The following GLP2R variants were observed in gnomAD, a reference collection of about 807,000 sequenced individuals.
The protein encoded by GLP2R is glucagon like peptide 2 receptor.
In GLP2R, 59 loss-of-function variants were observed where a neutral mutation model predicts 68.2. The observed-to-expected ratio is 0.87, with a 90% CI of 0.70 to 1.07. The LOEUF (loss-of-function observed/expected upper bound fraction) is 1.07, where lower values mean the gene tolerates loss of function less well. Ranked by LOEUF, GLP2R falls within the 50% of genes least tolerant of loss-of-function variation. GLP2R has a pLI of 0.00. For synonymous variants in GLP2R, 270 were observed against 265.4 expected (o/e 1.02, Z -0.17); for missense variants, 548 against 677.4 (o/e 0.81, Z 2.12).
intron 9 of GLP2R, among the ~76,000 whole-genome samples, chr17:9,862,925 A>T (rs2066999995): frequency 6.6e-6 from 1 of 152,134 alleles, no homozygotes; most frequent in African/African-American, 2.4e-5. Context: ...GAAAAAGGCT[A>T]GTTTTTATAG....
At chr17:9,865,462 A>C (rs992367008) in intron 9 of GLP2R, among the ~76,000 whole-genome samples, 2 of 152,030 alleles carry the variant, frequency 1.3e-5, no homozygotes, top group African/African-American at 4.8e-5. Flanking sequence ...GTTCTACTTG[A>C]CTGTTTAATG....
Position 9,855,526 on chromosome 17 carries a change from C to A in GLP2R, c.611+925C>A, listed in dbSNP as rs138853784. ...TTACAGAAGAGATTAAGAATCTTCC[C>A]CAAGGTAAACAAATGGATGGAAGAG... On this transcript the variant is annotated intron_variant, in intron 5 of 12. Transcript: ENST00000262441. Among the ~76,000 whole-genome samples, 859 of 152,252 alleles carry A rather than the reference C, an allele frequency of 5.6e-3. 7 individuals are homozygous for A. Among genetic ancestry groups the A allele is most frequent in the African/African-American group, 0.019 (803 of 41,536 alleles).
chr17:9,831,401 T>C (rs890472222), intron 1 of GLP2R, among the ~76,000 whole-genome samples: 4 of 152,028 alleles, frequency 2.6e-5, no homozygotes, highest in East Asian at 3.8e-4. Flanking sequence ...AAGGAGCTTA[T>C]GGGATAGGGA....
chr17:9,869,169 C>T lies in GLP2R; in HGVS notation c.1057-1578C>T, dbSNP rs796933810. Among the ~76,000 whole-genome samples the T allele has an allele frequency of 2.2e-4, 34 of 152,332 alleles. 1 individual carries two copies. The highest frequency in any genetic ancestry group is 8.2e-4 in the African/African-American group (34 of 41,576). ...ACTGCTGCTGATTTCTTTTCTCCAT[C>T]ACCGTCCCCCAGGAACTCTGAAACT... On this transcript the variant is annotated intron_variant, in intron 9 of 12. Coordinates refer to ENST00000262441, the MANE Select transcript of GLP2R (RefSeq NM_004246.3).
intron 4 of GLP2R, among the ~76,000 whole-genome samples, chr17:9,849,988 G>A (rs1011759066): frequency 3.9e-5 from 6 of 152,154 alleles, no homozygotes; most frequent in Admixed American, 6.5e-5. Flanking sequence ...ATTTGTGGCA[G>A]TATATCTTTT....
At chr17:9,833,738 G>C in intron 1 of GLP2R, 69 bp from the exon 2 acceptor site, 1 of 891,148 alleles carries the variant, frequency 1.1e-6, no homozygotes, top group Non-Finnish European at 1.8e-6. Flanking sequence ...GGAGAATCAT[G>C]GTGTGAAGTG....
chr17:9,862,735 C>T (rs1013210399), intron 9 of GLP2R, among the ~76,000 whole-genome samples: 8 of 152,166 alleles, frequency 5.3e-5, no homozygotes, highest in Admixed American at 2.6e-4. Context: ...GAAGGGTTAG[C>T]AAGATCCCAG....
chr17:9,826,728 T>C (rs1185721092), intron 1 of GLP2R, among the ~76,000 whole-genome samples: 1 of 152,190 alleles, frequency 6.6e-6, no homozygotes, highest in Non-Finnish European at 1.5e-5. Flanking sequence ...ACGCTAATTG[T>C]TTTTTTAAAA....
intron 1 of GLP2R, among the ~76,000 whole-genome samples, chr17:9,832,833 C>T (rs1294276967): frequency 6.6e-6 from 1 of 152,150 alleles, no homozygotes; most frequent in African/African-American, 2.4e-5. Context: ...AAGCCCAAAA[C>T]GTGCTATATT....
chr17:9,856,516 A>G (rs571461915), intron 5 of GLP2R, among the ~76,000 whole-genome samples: 152 of 152,334 alleles, frequency 1.0e-3, no homozygotes, highest in African/African-American at 3.4e-3. Flanking sequence ...AGGATGCACA[A>G]TGTCACATCA....
chr17:9,858,400 T>C (rs1363439722), intron 6 of GLP2R, among the ~76,000 whole-genome samples: 1 of 152,256 alleles, frequency 6.6e-6, no homozygotes, highest in Non-Finnish European at 1.5e-5. Flanking sequence ...TCGCTAATAC[T>C]GTGTTTTGTT....
chr17:9,866,018 C>T, intron 9 of GLP2R: 1 of 428,204 alleles, frequency 2.3e-6, no homozygotes, highest in Non-Finnish European at 4.8e-6. Flanking sequence ...AAACCTGCTG[C>T]CCTCCCAATC....
At position 9,833,691 on chromosome 17, in the gene GLP2R, T is replaced by C. The variant is rs114228629; in HGVS notation, c.190-116T>C. 4,020 of 649,934 alleles carry C rather than the reference T, an allele frequency of 6.2e-3. 105 individuals carry two copies. In the African/African-American group the frequency reaches 0.063, roughly 10 times the overall value. The allele number at this position is 649,934 out of a possible 1,614,324, so 40.3% of individuals were successfully genotyped here. A position where few individuals can be genotyped will look rare whatever the true frequency, so the allele number is the denominator to read the frequency against. The stretch of plus-strand genomic sequence containing the variant: ...AGATGCTGAAGAAATGCCATTTCTT[T>C]GCTGTGGGCCATTGTGGGCACTTCA... On this transcript the variant is annotated intron_variant, in intron 1 of 12. Transcript: ENST00000262441.
In GLP2R at chr17:9,889,395, G is replaced by T. The variant is rs1254742134; in HGVS notation, c.1352G>T (p.Trp451Leu). 1 of 1,613,460 alleles carries T rather than the reference G, an allele frequency of 6.2e-7. No homozygotes were observed. Among genetic ancestry groups the T allele is most frequent in the African/African-American group, 1.3e-5 (1 of 74,924 alleles). The change falls in exon 13 of 13, where the codon TGG becomes TTG. Residue 451 changes from tryptophan to leucine, a missense_variant. By Grantham distance (61) the Trp-to-Leu change is moderately conservative (BLOSUM62 -2). Coordinates refer to ENST00000262441, the MANE Select transcript of GLP2R (RefSeq NM_004246.3). ...GEVKAELRKYWVRFLLARHSG... is the reference protein window; with the variant it reads ...GEVKAELRKYLVRFLLARHSG... ...GTGAAGGCTGAGCTGCGGAAATACT[G>T]GGTCCGCTTCTTGCTAGCCCGCCAC...
chr17:9,865,987 T>G, intron 9 of GLP2R: 1 of 460,898 alleles, frequency 2.2e-6, no homozygotes, highest in Non-Finnish European at 4.5e-6. Context: ...GAAGATAATC[T>G]GTCCTGAACA....
At position 9,826,078 on chromosome 17, in the gene GLP2R, G is replaced by C. The variant is rs114279520; in HGVS notation, c.15G>C (p.Ser5=). 2.5e-6 allele frequency: 4 copies of C among 1,611,702 alleles called. No individual in the cohort carries two copies. The highest frequency in any genetic ancestry group is 3.4e-6 in the Non-Finnish European group (4 of 1,179,364). Residue 5 remains serine, a synonymous_variant, in exon 1 of 13, where the codon TCG becomes TCC. Transcript: ENST00000262441. ...GCACGAGGAAGATGAAGCTGGGATC[G>C]AGCAGGGCAGGGCCTGGGAGAGGAA... MKLG[S]SRAGPGRGSA...
At chr17:9,834,957 T>C (rs964650744) in intron 2 of GLP2R, among the ~76,000 whole-genome samples, 2 of 151,528 alleles carry the variant, frequency 1.3e-5, no homozygotes, top group Non-Finnish European at 2.9e-5. Flanking sequence ...CAGGTCGACA[T>C]GGTGTCCCAA....
chr17:9,865,006 C>T (rs2152041587), intron 9 of GLP2R, among the ~76,000 whole-genome samples: 1 of 152,246 alleles, frequency 6.6e-6, no homozygotes, highest in Middle Eastern at 3.4e-3. Context: ...CATGCTGTTG[C>T]TTCTGTGACT....
intron 11 of GLP2R, among the ~76,000 whole-genome samples, chr17:9,883,632 G>A (rs1278266573): frequency 6.6e-6 from 1 of 152,182 alleles, no homozygotes; most frequent in Non-Finnish European, 1.5e-5. Flanking sequence ...TTCATTACAT[G>A]TAGGGACCAA....
Sources: allele counts gnomAD v4.1 joint callset (sites outside exome capture counted in the v4.1 genomes callset), GRCh38; gene constraint gnomAD v4.1.1; transcripts MANE v1.5; gene names NCBI Gene and HGNC (gene_info 2026-07-23, HGNC 2026-07-21).